Variants in CDKL5 observed in about 807,000 individuals in gnomAD.
CDKL5 encodes cyclin dependent kinase like 5.
CDKL5 carries 8 observed loss-of-function variants against 61.7 expected under a neutral mutation model. The observed-to-expected ratio is 0.13, with a 90% CI of 0.08 to 0.23. The LOEUF is 0.23. CDKL5 is among the 10% of genes least tolerant of loss of function. CDKL5 has a pLI of 1.00. For missense variants in CDKL5, 440 were observed against 734.5 expected, an observed-to-expected ratio of 0.60 and a Z score of 4.63; for synonymous variants, 275 against 272.3, an observed-to-expected ratio of 1.01 and a Z score of -0.10.
chrX:18,556,882 CAAAAAAAAAA>C (rs67362338), intron 3 of CDKL5, among the ~76,000 whole-genome samples: 19 of 44,959 alleles, frequency 4.2e-4, no homozygotes, highest in African/African-American at 1.8e-3. Context: ...GACTCCGTCT[CAAAAAAAAAA>C]AAAAAAAAAA....
At chrX:18,446,706 G>A (rs888244721) in intron 1 of CDKL5, among the ~76,000 whole-genome samples, 3 of 111,800 alleles carry the variant, frequency 2.7e-5, no homozygotes, top group African/African-American at 9.7e-5. Flanking sequence ...ATTCCCTGGT[G>A]TGACCTGCCA....
At chrX:18,458,276 A>G (rs1485497319) in intron 1 of CDKL5, among the ~76,000 whole-genome samples, 2 of 110,354 alleles carry the variant, frequency 1.8e-5, no homozygotes, top group Non-Finnish European at 3.8e-5. Flanking sequence ...TGCTGCTTAC[A>G]ACTAGTAGTT....
chrX:18,644,412 G>C (rs201159090), downstream of CDKL5: 2 of 1,204,614 alleles, frequency 1.7e-6, no homozygotes, highest in Admixed American at 4.4e-5. Flanking sequence ...AAGTTGGTTT[G>C]GGATAAGCCC....
At chrX:18,617,118 T>C (rs1926742019) in intron 15 of CDKL5, among the ~76,000 whole-genome samples, 1 of 112,289 alleles carries the variant, frequency 8.9e-6, no homozygotes, top group Admixed American at 9.4e-5. Context: ...AGTGATTCAT[T>C]GGATTTTAAT....
Position 18,475,258 on chromosome X carries a change from T to C in CDKL5, c.-162-31677T>C, listed in dbSNP as rs542912273. On this transcript the variant is annotated intron_variant, in intron 1 of 17. Transcript: ENST00000623535. ...ATAGGCGTGAGCCACCACACCTGGCTTAAACTTTGTAATTTTTATTTCTTT... is the reference window on the plus strand; with the variant it reads ...ATAGGCGTGAGCCACCACACCTGGCCTAAACTTTGTAATTTTTATTTCTTT... 4.3e-3 allele frequency among the ~76,000 whole-genome samples: 482 copies of C among 111,008 alleles called. 2 individuals carry two copies. The highest frequency in any genetic ancestry group is 0.037 in the Middle Eastern group (8 of 214).
In CDKL5 at chrX:18,636,131, G is replaced by C. The variant is rs1439758867; in HGVS notation, c.*7374G>C. 9.1e-6 allele frequency: 1 copy of C among 110,463 alleles called. No individual in the cohort carries two copies. The highest frequency in any genetic ancestry group is 2.8e-4 in the East Asian group (1 of 3,556). 9.1% of individuals were successfully genotyped at this position (110,463 alleles called of 1,213,427 possible). A position where few individuals can be genotyped will look rare whatever the true frequency, so the allele number is the denominator to read the frequency against. On this transcript the variant is annotated 3_prime_UTR_variant, in exon 18 of 18. Transcript: ENST00000623535. ...AGTTTTCTTTCTCTTTCTAAACAAA[G>C]GGTAGGAGCTGAAAGTCAGTGCTCT...
intron 1 of CDKL5, among the ~76,000 whole-genome samples, chrX:18,501,326 A>G (rs760171860): frequency 1.8e-4 from 20 of 108,634 alleles, no homozygotes; most frequent in African/African-American, 6.4e-4. Context: ...GGTGCCTGCC[A>G]CCGCACCTGG....
chrX:18,428,582 A>G (rs2147612906), intron 1 of CDKL5, among the ~76,000 whole-genome samples: 1 of 112,113 alleles, frequency 8.9e-6, no homozygotes, highest in Non-Finnish European at 1.9e-5. Context: ...TAATTAATTC[A>G]CATGCATAGA....
rs778424617 is a variant in CDKL5 at position 18,439,645 on chromosome X, C to T, written c.-163+13950C>T. Among the ~76,000 whole-genome samples the T allele has an allele frequency of 3.6e-5, 4 of 110,509 alleles. No homozygotes were observed. In the South Asian group the frequency reaches 1.6e-3, roughly 43 times the overall value. On this transcript the variant is annotated intron_variant, in intron 1 of 17. Transcript: ENST00000623535. ...CAGAGGTTGGGAGTTCGAGATCAGCCTGGCTAACATGGTGAAACCCCATCT... is the reference window on the plus strand; with the variant it reads ...CAGAGGTTGGGAGTTCGAGATCAGCTTGGCTAACATGGTGAAACCCCATCT...
rs931796053 is a variant in CDKL5, at chrX:18,490,724, A to G, written c.-162-16211A>G. 1.1e-4 allele frequency among the ~76,000 whole-genome samples: 12 copies of G among 111,996 alleles called. No homozygotes were observed. The East Asian group carries it at 3.3e-3, about 31-fold the overall frequency. ...GGAATTTAATTGAATGCTTTTATCA[A>G]TTAATGGTCTTGATGAAATTGCTTG... On this transcript the variant is annotated intron_variant, in intron 1 of 17. Coordinates refer to ENST00000623535, the MANE Select transcript of CDKL5 (RefSeq NM_001323289.2).
chrX:18,449,996 T>C (rs1198042830), intron 1 of CDKL5, among the ~76,000 whole-genome samples: 1 of 111,873 alleles, frequency 8.9e-6, no homozygotes, highest in Non-Finnish European at 1.9e-5. Context: ...GGTTTCACCA[T>C]GTTGGCCAGG....
intron 20 of CDKL5, chrX:18,650,017 G>C (rs567398621): frequency 3.9e-6 from 1 of 255,999 alleles, no homozygotes; most frequent in Non-Finnish European, 7.2e-6. Flanking sequence ...AGCTCTGAGA[G>C]AGTAGGCAGA....
At chrX:18,540,156 GGTTGTT>G (rs745863506) in intron 3 of CDKL5, among the ~76,000 whole-genome samples, 5 of 109,120 alleles carry the variant, frequency 4.6e-5, no homozygotes, top group African/African-American at 6.7e-5. Context: ...TTACTTTCTT[GGTTGTT>G]GTTGTTGTTG....
chrX:18,557,778 G>A (rs886996273), intron 3 of CDKL5, among the ~76,000 whole-genome samples: 3 of 111,560 alleles, frequency 2.7e-5, no homozygotes, highest in Non-Finnish European at 5.7e-5. Context: ...TTAATACTGG[G>A]AATAAAACAA....
intron 15 of CDKL5, among the ~76,000 whole-genome samples, chrX:18,614,871 G>A (rs113496554): frequency 4.4e-5 from 5 of 112,524 alleles, no homozygotes; most frequent in African/African-American, 1.6e-4. Context: ...ATTACATAAT[G>A]AAGTGGTGAT....
chrX:18,635,548 C>A lies in CDKL5; in HGVS notation c.*6791C>A. ...CTTTGAGGTTGTAATCAGTTTGAGACAGAAATTAATGTAAAACTAGGCAAA... is the reference window on the plus strand; with the variant it reads ...CTTTGAGGTTGTAATCAGTTTGAGAAAGAAATTAATGTAAAACTAGGCAAA... On this transcript the variant is annotated 3_prime_UTR_variant, in exon 18 of 18. Transcript: ENST00000623535. The A allele has an allele frequency of 4.0e-6, 3 of 751,462 alleles. No homozygotes were observed. Among genetic ancestry groups the A allele is most frequent in the Non-Finnish European group, 4.7e-6 (3 of 636,673 alleles). The allele number at this position is 751,462 out of a possible 1,213,427, so 61.9% of individuals were successfully genotyped here.
At chrX:18,558,900 G>A (rs1401214939) in intron 3 of CDKL5, among the ~76,000 whole-genome samples, 1 of 112,415 alleles carries the variant, frequency 8.9e-6, no homozygotes, top group East Asian at 2.8e-4. Flanking sequence ...CCTAGGATTC[G>A]GAGTCCCCGT....
intron 21 of CDKL5, among the ~76,000 whole-genome samples, chrX:18,652,134 C>T (rs1928075623): frequency 9.0e-6 from 1 of 111,168 alleles, no homozygotes; most frequent in African/African-American, 3.3e-5. Context: ...AGCAGAATGC[C>T]CACAGGTGCT....
intron 1 of CDKL5, among the ~76,000 whole-genome samples, chrX:18,502,437 C>T (rs778365841): frequency 4.7e-4 from 52 of 111,608 alleles, no homozygotes; most frequent in Non-Finnish European, 9.2e-4. Flanking sequence ...CTAAGTATAG[C>T]GAAAGGAGGT....
Sources: gnomAD v4.1 joint callset for allele counts (sites outside exome capture counted in the v4.1 genomes callset) on GRCh38, gnomAD v4.1.1 for gene constraint, MANE v1.5 for transcripts, NCBI Gene and HGNC (gene_info 2026-07-23, HGNC 2026-07-21) for gene names.